SEZ6L: variants seen among roughly 807,000 people sequenced by gnomAD.
SEZ6L encodes seizure 6-like protein.
SEZ6L carries 37 observed loss-of-function variants against 106.2 expected under a neutral mutation model. The observed-to-expected ratio is 0.35, with a 90% CI of 0.27 to 0.46. The LOEUF is 0.46. Ranked by LOEUF, SEZ6L falls within the 20% of genes least tolerant of loss-of-function variation. SEZ6L has a pLI of 1.00. For missense variants in SEZ6L, 1,172 were observed against 1,332.8 expected, an observed-to-expected ratio of 0.88 and a Z score of 1.88; for synonymous variants, 541 against 570.4, an observed-to-expected ratio of 0.95 and a Z score of 0.73.
chr22:26,354,665 G>C (rs992885294), intron 12 of SEZ6L, among the ~76,000 whole-genome samples: 6 of 152,148 alleles, frequency 3.9e-5, no homozygotes, highest in African/African-American at 1.4e-4. Flanking sequence ...AAAGGTGGAG[G>C]CATCATTTTT....
At chr22:26,291,178 C>T (rs992117999) in intron 1 of SEZ6L, among the ~76,000 whole-genome samples, 20 of 152,292 alleles carry the variant, frequency 1.3e-4, no homozygotes, top group Non-Finnish European at 2.2e-4. Context: ...ATAGCAAAGA[C>T]GTGGAATCAA....
At chr22:26,335,149 C>G (rs1488431115) in intron 9 of SEZ6L, among the ~76,000 whole-genome samples, 1 of 152,148 alleles carries the variant, frequency 6.6e-6, no homozygotes, top group Non-Finnish European at 1.5e-5. Context: ...AATGTAAGCT[C>G]CTCTTTGCAT....
At chr22:26,269,976 G>T (rs1325954399) in intron 1 of SEZ6L, among the ~76,000 whole-genome samples, 1 of 152,186 alleles carries the variant, frequency 6.6e-6, no homozygotes, top group Non-Finnish European at 1.5e-5. Context: ...CAGTATCAGG[G>T]AAAAGACCCC....
intron 1 of SEZ6L, chr22:26,292,139 A>AG (rs1192856827): frequency 2.6e-5 from 10 of 386,774 alleles, no homozygotes; most frequent in Admixed American, 1.2e-4. Flanking sequence ...GAGGAAAGAA[A>AG]GAAAGAAAGG....
intron 1 of SEZ6L, among the ~76,000 whole-genome samples, chr22:26,179,225 CA>C (rs1939223883): frequency 6.6e-6 from 1 of 152,034 alleles, no homozygotes; most frequent in African/African-American, 2.4e-5. Context: ...CCCATCTGTA[CA>C]AAAAATTCTA....
At chr22:26,280,020 T>TA (rs1056010743) in intron 1 of SEZ6L, among the ~76,000 whole-genome samples, 3 of 151,876 alleles carry the variant, frequency 2.0e-5, no homozygotes, top group African/African-American at 4.8e-5. Flanking sequence ...TGATATACAA[T>TA]AAAAAAAATA....
intron 1 of SEZ6L, among the ~76,000 whole-genome samples, chr22:26,271,083 G>A (rs1294364132): frequency 6.6e-6 from 1 of 152,212 alleles, no homozygotes; most frequent in Non-Finnish European, 1.5e-5. Context: ...TCCTCTTTGG[G>A]TGCACATGTG....
intron 1 of SEZ6L, among the ~76,000 whole-genome samples, chr22:26,212,393 C>T (rs990828024): frequency 6.6e-6 from 1 of 152,138 alleles, no homozygotes; most frequent in Non-Finnish European, 1.5e-5. Flanking sequence ...CCCCATTGCT[C>T]CAAGCAATAC....
At chr22:26,194,859 G>T (rs1350481336) in intron 1 of SEZ6L, among the ~76,000 whole-genome samples, 1 of 152,226 alleles carries the variant, frequency 6.6e-6, no homozygotes, top group Non-Finnish European at 1.5e-5. Context: ...TCTTACTTAA[G>T]TGTTCAGCAT....
intron 13 of SEZ6L, among the ~76,000 whole-genome samples, chr22:26,366,706 T>C (rs1372452023): frequency 6.6e-6 from 1 of 150,708 alleles, no homozygotes; most frequent in Non-Finnish European, 1.5e-5. Flanking sequence ...AGACTCTGTC[T>C]CAAACAAACA....
At chr22:26,323,305 C>T (rs2082209586) in intron 9 of SEZ6L, among the ~76,000 whole-genome samples, 1 of 152,164 alleles carries the variant, frequency 6.6e-6, no homozygotes, top group Non-Finnish European at 1.5e-5. Flanking sequence ...GTGTCTGGCA[C>T]AAAGAAAGTG....
At chr22:26,273,927 C>T (rs557741137) in intron 1 of SEZ6L, among the ~76,000 whole-genome samples, 11 of 151,956 alleles carry the variant, frequency 7.2e-5, no homozygotes, top group Non-Finnish European at 1.0e-4. Flanking sequence ...GTAGACCTGG[C>T]GTGGACAGAG....
At chr22:26,264,390 A>G (rs1321025431) in intron 1 of SEZ6L, among the ~76,000 whole-genome samples, 1 of 152,218 alleles carries the variant, frequency 6.6e-6, no homozygotes, top group Admixed American at 6.5e-5. Context: ...TCTGAGCTTC[A>G]GTTCTGTTTA....
At chr22:26,378,812 T>C (rs929862524) in intron 16 of SEZ6L, among the ~76,000 whole-genome samples, 6 of 152,186 alleles carry the variant, frequency 3.9e-5, no homozygotes, top group South Asian at 2.1e-4. Flanking sequence ...CTCCCAACGT[T>C]TGGGGGGAAT....
intron 1 of SEZ6L, among the ~76,000 whole-genome samples, chr22:26,173,927 C>G (rs776666607): frequency 6.6e-6 from 1 of 152,206 alleles, no homozygotes; most frequent in East Asian, 1.9e-4. Context: ...TTCCCAAAGG[C>G]TCCACCTCCA....
In SEZ6L at chr22:26,380,518, C is replaced by T; in HGVS notation, c.*223C>T. On this transcript the variant is annotated 3_prime_UTR_variant, in exon 17 of 17. Coordinates refer to ENST00000248933, the MANE Select transcript of SEZ6L (RefSeq NM_021115.5). Reference sequence around the variant, plus strand: ...CGCGGCCTCAGCCAAATTCATGTTACAGCCTCAATTCTGAAGGCAGGTGGA... The same window carrying T: ...CGCGGCCTCAGCCAAATTCATGTTATAGCCTCAATTCTGAAGGCAGGTGGA... 3 of 438,950 alleles carry T rather than the reference C, an allele frequency of 6.8e-6. No homozygotes were observed. The highest frequency in any genetic ancestry group is 3.6e-5 in the Admixed American group (1 of 27,784). The allele number at this position is 438,950 out of a possible 1,614,324, so 27.2% of individuals were successfully genotyped here. A position where few individuals can be genotyped will look rare whatever the true frequency, so the allele number is the denominator to read the frequency against.
intron 9 of SEZ6L, among the ~76,000 whole-genome samples, chr22:26,331,710 G>T (rs528134727): frequency 1.3e-5 from 2 of 152,262 alleles, no homozygotes; most frequent in South Asian, 4.1e-4. Context: ...TGGGCCAGGC[G>T]TGGTGGCTCA....
intron 1 of SEZ6L, among the ~76,000 whole-genome samples, chr22:26,289,804 C>T (rs527254635): frequency 3.9e-5 from 6 of 152,314 alleles, no homozygotes; most frequent in African/African-American, 1.2e-4. Flanking sequence ...CACTGGAGGG[C>T]CTGGAGACTG....
chr22:26,170,963 G>T (rs1938557776), intron 1 of SEZ6L, among the ~76,000 whole-genome samples: 3 of 152,170 alleles, frequency 2.0e-5, no homozygotes, highest in Non-Finnish European at 4.4e-5. Flanking sequence ...CCCAGCGCGC[G>T]CACCTGCTTT....
Sources: gnomAD v4.1 joint callset for allele counts (sites outside exome capture counted in the v4.1 genomes callset) on GRCh38, gnomAD v4.1.1 for gene constraint, MANE v1.5 for transcripts, NCBI Gene and HGNC (gene_info 2026-07-23, HGNC 2026-07-21) for gene names.